The following AK5 variants were observed in gnomAD, a reference collection of about 807,000 sequenced individuals.
The protein encoded by AK5 is adenylate kinase isoenzyme 5.
AK5 carries 27 observed loss-of-function variants against 69.5 expected under a neutral mutation model. That is an observed-to-expected ratio of 0.39 (90% CI 0.29 to 0.54). AK5 has a LOEUF of 0.54. AK5 is among the 20% of genes least tolerant of loss of function. The probability of loss-of-function intolerance (pLI) is 0.71; values close to 1 mark genes in which losing one functional copy is unlikely to be tolerated. For missense variants in AK5, 531 were observed against 700.4 expected, an observed-to-expected ratio of 0.76 and a Z score of 2.73; for synonymous variants, 260 against 244.4, an observed-to-expected ratio of 1.06 and a Z score of -0.60.
At chr1:77,340,640 A>G (rs1661607613) in intron 6 of AK5, 72 bp downstream of exon 6, 2 of 1,423,456 alleles carry the variant, frequency 1.4e-6, no homozygotes, top group Non-Finnish European at 1.9e-6. Context: ...CCATGTTCTC[A>G]TGTAGAAATC....
At chr1:77,431,984 T>C (rs1454257264) in intron 8 of AK5, among the ~76,000 whole-genome samples, 1 of 152,216 alleles carries the variant, frequency 6.6e-6, no homozygotes, top group Non-Finnish European at 1.5e-5. Flanking sequence ...TGATGGCCTT[T>C]GTGTGAAGTT....
rs370978514 is a variant in AK5, at chr1:77,518,734, A to G, written c.1311+7A>G. On this transcript the variant is annotated splice_region_variant and intron_variant, in intron 11 of 13. Coordinates refer to ENST00000354567, the MANE Select transcript of AK5 (RefSeq NM_174858.3). ...TGGAGACCTGGTGCCCTCAGTAAGCAACATGGCCTGACCCACATTACTGCC... is the reference window on the plus strand; with the variant it reads ...TGGAGACCTGGTGCCCTCAGTAAGCGACATGGCCTGACCCACATTACTGCC... The G allele has an allele frequency of 9.3e-4, 1,498 of 1,613,736 alleles. 39 individuals are homozygous for G. The South Asian group carries it at 0.016, about 17-fold the overall frequency.
At chr1:77,486,695 A>C (rs981689487) in intron 10 of AK5, among the ~76,000 whole-genome samples, 2 of 141,464 alleles carry the variant, frequency 1.4e-5, no homozygotes, top group Admixed American at 1.4e-4. Flanking sequence ...AGACTCTGTC[A>C]AAAAAAAAAA....
chr1:77,393,598 A>G (rs546893786), intron 6 of AK5, among the ~76,000 whole-genome samples: 1 of 152,366 alleles, frequency 6.6e-6, no homozygotes, highest in South Asian at 2.1e-4. Context: ...GTGATTCTAC[A>G]TAGACAACCA....
At chr1:77,441,810 G>C (rs767791802) in intron 8 of AK5, among the ~76,000 whole-genome samples, 13 of 152,184 alleles carry the variant, frequency 8.5e-5, no homozygotes, top group Non-Finnish European at 1.5e-4. Context: ...TGTGGGGCCA[G>C]AGTTCTGTGC....
At chr1:77,536,154 T>C in intron 13 of AK5, 116 bp downstream of exon 13, 4 of 1,176,830 alleles carry the variant, frequency 3.4e-6, no homozygotes, top group Non-Finnish European at 4.7e-6. Context: ...TAGAACTCTG[T>C]GCAGCTGCAG....
At position 77,364,561 on chromosome 1, in the gene AK5, T is replaced by C. The variant is rs926785520; in HGVS notation, c.891+23993T>C. ...TCTTCCTGGCCTCTAGCATCCTTTGTTCTTTTTACTTTTGTGAGATCAACT... is the reference window on the plus strand; with the variant it reads ...TCTTCCTGGCCTCTAGCATCCTTTGCTCTTTTTACTTTTGTGAGATCAACT... On this transcript the variant is annotated intron_variant, in intron 6 of 13. Coordinates refer to ENST00000354567, the MANE Select transcript of AK5 (RefSeq NM_174858.3). Among the ~76,000 whole-genome samples the C allele has an allele frequency of 2.0e-5, 3 of 152,194 alleles. No individual in the cohort carries two copies. In the South Asian group the frequency reaches 6.2e-4, roughly 32 times the overall value.
chr1:77,422,953 C>T (rs748452175), intron 8 of AK5, among the ~76,000 whole-genome samples: 8 of 152,060 alleles, frequency 5.3e-5, no homozygotes, highest in Non-Finnish European at 1.0e-4. Context: ...CGGTGGCTCA[C>T]GCCTGTAATC....
intron 6 of AK5, among the ~76,000 whole-genome samples, chr1:77,355,236 T>A (rs1416906780): frequency 6.6e-6 from 1 of 152,236 alleles, no homozygotes; most frequent in African/African-American, 2.4e-5. Flanking sequence ...GCTGCATGAC[T>A]GCAGCGTACT....
intron 13 of AK5, among the ~76,000 whole-genome samples, chr1:77,548,242 G>A (rs1021648350): frequency 2.6e-4 from 39 of 152,162 alleles, no homozygotes; most frequent in Admixed American, 5.2e-4. Context: ...TCTCTCTACA[G>A]TCAATGTATA....
At chr1:77,547,993 ATGAT>A (rs1659623868) in intron 13 of AK5, among the ~76,000 whole-genome samples, 2 of 152,314 alleles carry the variant, frequency 1.3e-5, no homozygotes, top group Middle Eastern at 3.4e-3. Flanking sequence ...AAACAGGAAA[ATGAT>A]TGAGCAGGTG....
At chr1:77,504,337 C>T (rs61778707) in intron 10 of AK5, among the ~76,000 whole-genome samples, 4,678 of 152,066 alleles carry the variant, frequency 0.031, 66 homozygotes, top group Middle Eastern at 0.078. Flanking sequence ...TTCTAGAAAA[C>T]GTGTATCAAC....
At chr1:77,517,102 G>A (rs1026831087) in intron 10 of AK5, among the ~76,000 whole-genome samples, 2 of 151,948 alleles carry the variant, frequency 1.3e-5, no homozygotes, top group African/African-American at 2.4e-5. Flanking sequence ...AGAAATAGCG[G>A]GGAAAGATGC....
intron 6 of AK5, among the ~76,000 whole-genome samples, chr1:77,368,239 A>AT (rs376347640): frequency 2.5e-4 from 4 of 16,204 alleles, no homozygotes; most frequent in South Asian, 1.4e-3. Flanking sequence ...ATATATATAT[A>AT]TATATATATA....
Position 77,558,853 on chromosome 1 carries a change from G to C in AK5, c.*183G>C. 1 of 586,576 alleles carries C rather than the reference G, an allele frequency of 1.7e-6. No individual in the cohort carries two copies. 36.3% of individuals were successfully genotyped at this position (586,576 alleles called of 1,614,324 possible). ...TGAGAGGTGTCTGGAAATCATGCAT[G>C]GTGTATTTGGGACTATATCAACCTA... On this transcript the variant is annotated 3_prime_UTR_variant, in exon 14 of 14. Coordinates refer to ENST00000354567, the MANE Select transcript of AK5 (RefSeq NM_174858.3).
At chr1:77,368,253 A>G (rs998683291) in intron 6 of AK5, among the ~76,000 whole-genome samples, 15 of 38,640 alleles carry the variant, frequency 3.9e-4, no homozygotes, top group South Asian at 1.7e-3. Flanking sequence ...ATATATATAT[A>G]ATATATATGT....
intron 5 of AK5, among the ~76,000 whole-genome samples, chr1:77,306,832 C>T (rs1198898347): frequency 1.3e-5 from 2 of 152,036 alleles, no homozygotes; most frequent in South Asian, 2.1e-4. Context: ...TGGCATGCAT[C>T]TCAGAATTTG....
intron 8 of AK5, among the ~76,000 whole-genome samples, chr1:77,460,206 T>A (rs758385434): frequency 3.3e-5 from 5 of 152,212 alleles, no homozygotes; most frequent in Non-Finnish European, 5.9e-5. Flanking sequence ...CCTCACAGAA[T>A]GGGTCACCAT....
intron 5 of AK5, among the ~76,000 whole-genome samples, chr1:77,302,871 T>A (rs970589316): frequency 6.6e-6 from 1 of 152,220 alleles, no homozygotes; most frequent in South Asian, 2.1e-4. Flanking sequence ...CATTGGAACA[T>A]GACCTGCCTC....
Sources: allele counts gnomAD v4.1 joint callset (sites outside exome capture counted in the v4.1 genomes callset), GRCh38; gene constraint gnomAD v4.1.1; transcripts MANE v1.5; gene names NCBI Gene and HGNC (gene_info 2026-07-23, HGNC 2026-07-21).